The following GRID2 variants were observed in gnomAD, a reference collection of about 807,000 sequenced individuals.
GRID2 encodes glutamate receptor ionotropic, delta-2.
A neutral mutation model predicts 114.8 loss-of-function variants in GRID2; 33 were observed. The observed-to-expected ratio is 0.29, with a 90% confidence interval of 0.22 to 0.38. The LOEUF is 0.38. Among genes scored for constraint, GRID2 ranks in the 10% least tolerant of loss-of-function variants. GRID2 has a pLI of 1.00. For synonymous variants in GRID2, 505 were observed against 449.9 expected, an observed-to-expected ratio of 1.12 and a Z score of -1.55; for missense variants, 1,184 against 1,257.7, an observed-to-expected ratio of 0.94 and a Z score of 0.89.
intron 2 of GRID2, among the ~76,000 whole-genome samples, chr4:92,958,511 G>A (rs1752580220): frequency 1.3e-5 from 2 of 152,062 alleles, no homozygotes; most frequent in Admixed American, 1.3e-4. Context: ...GTATATCCGG[G>A]ATAAATCCCA....
chr4:93,186,523 A>T (rs1740437450), intron 4 of GRID2, among the ~76,000 whole-genome samples: 1 of 152,202 alleles, frequency 6.6e-6, no homozygotes, highest in South Asian at 2.1e-4. Context: ...TATAAAACTA[A>T]TAATGTAATA....
chr4:93,759,358 T>A (rs2110305542), intron 14 of GRID2, among the ~76,000 whole-genome samples: 1 of 152,312 alleles, frequency 6.6e-6, no homozygotes, highest in East Asian at 1.9e-4. Context: ...GTTCATTTTC[T>A]ACCAAATAAC....
intron 2 of GRID2, among the ~76,000 whole-genome samples, chr4:92,937,301 C>T (rs1010862249): frequency 6.8e-6 from 1 of 146,584 alleles, no homozygotes; most frequent in African/African-American, 2.4e-5. Flanking sequence ...ATTCTTTCTT[C>T]TAAGAATTTT....
At chr4:92,806,439 T>C (rs112659802) in intron 2 of GRID2, among the ~76,000 whole-genome samples, 3 of 152,048 alleles carry the variant, frequency 2.0e-5, no homozygotes, top group African/African-American at 7.2e-5. Context: ...CTTCCTCCAT[T>C]ATACCTTCTG....
chr4:92,864,167 G>A (rs1386032049), intron 2 of GRID2, among the ~76,000 whole-genome samples: 1 of 152,048 alleles, frequency 6.6e-6, no homozygotes, highest in Non-Finnish European at 1.5e-5. Context: ...ATAAACCTGG[G>A]TTCACTCTGA....
chr4:93,055,094 G>A (rs1727098481), intron 2 of GRID2, among the ~76,000 whole-genome samples: 1 of 151,808 alleles, frequency 6.6e-6, no homozygotes, highest in Admixed American at 6.6e-5. Context: ...ATATGTTAAT[G>A]AGTTTTAATA....
intron 15 of GRID2, among the ~76,000 whole-genome samples, chr4:93,771,432 A>G (rs1332191828): frequency 2.0e-5 from 3 of 152,124 alleles, no homozygotes; most frequent in Non-Finnish European, 4.4e-5. Flanking sequence ...TATCTCACTG[A>G]CCTCACAGTA....
intron 2 of GRID2, among the ~76,000 whole-genome samples, chr4:92,801,806 A>C (rs951156490): frequency 1.3e-5 from 2 of 152,008 alleles, no homozygotes; most frequent in East Asian, 3.9e-4. Context: ...AATACTCATA[A>C]CAAACCCAAA....
intron 1 of GRID2, among the ~76,000 whole-genome samples, chr4:92,368,385 TAATA>T (rs2110213600): frequency 6.6e-6 from 1 of 152,216 alleles, no homozygotes; most frequent in South Asian, 2.1e-4. Context: ...CCTTTATTTT[TAATA>T]AATAAAAAGG....
At chr4:93,797,418 C>T (rs909558142) in intron 1 of GRID2, among the ~76,000 whole-genome samples, 2 of 152,088 alleles carry the variant, frequency 1.3e-5, no homozygotes, top group Non-Finnish European at 2.9e-5. Context: ...AGAGGTTCTG[C>T]AGAAAAATGT....
chr4:93,112,739 G>A (rs1168263231), intron 4 of GRID2, among the ~76,000 whole-genome samples: 3 of 152,144 alleles, frequency 2.0e-5, no homozygotes, highest in Middle Eastern at 3.2e-3. Context: ...AAATCAAGAT[G>A]TTGGCAAGGT....
At chr4:92,498,451 C>G (rs112753027) in intron 1 of GRID2, among the ~76,000 whole-genome samples, 11 of 151,718 alleles carry the variant, frequency 7.3e-5, no homozygotes, top group Non-Finnish European at 1.5e-5. Flanking sequence ...ATTTAAATAA[C>G]AAAGCTAAAA....
intron 13 of GRID2, among the ~76,000 whole-genome samples, chr4:93,516,261 A>G (rs955420007): frequency 6.6e-6 from 1 of 152,130 alleles, no homozygotes. Flanking sequence ...TCTAAAGGCA[A>G]ACTCACTAAT....
intron 8 of GRID2, among the ~76,000 whole-genome samples, chr4:93,283,912 C>T (rs1009504227): frequency 6.6e-6 from 1 of 151,994 alleles, no homozygotes; most frequent in African/African-American, 2.4e-5. Flanking sequence ...ACTGGAGGAC[C>T]TAGCTCAATC....
chr4:92,769,715 A>G (rs1218443019), intron 2 of GRID2, among the ~76,000 whole-genome samples: 1 of 152,214 alleles, frequency 6.6e-6, no homozygotes, highest in Non-Finnish European at 1.5e-5. Flanking sequence ...CTCTAAAGCC[A>G]CAGCCCAAGG....
intron 13 of GRID2, among the ~76,000 whole-genome samples, chr4:93,600,093 C>T (rs1739514516): frequency 6.6e-6 from 1 of 152,086 alleles, no homozygotes; most frequent in South Asian, 2.1e-4. Flanking sequence ...TCAAGCCCTG[C>T]CAAATTAAAA....
At chr4:93,289,987 G>C (rs1753567482) in intron 8 of GRID2, among the ~76,000 whole-genome samples, 1 of 152,142 alleles carries the variant, frequency 6.6e-6, no homozygotes, top group Admixed American at 6.5e-5. Context: ...ATAGAGTTCA[G>C]ACAGTTACAT....
chr4:92,735,400 A>G (rs1170022567), intron 2 of GRID2, among the ~76,000 whole-genome samples: 1 of 152,132 alleles, frequency 6.6e-6, no homozygotes, highest in Non-Finnish European at 1.5e-5. Context: ...AATATACTGT[A>G]ATAAAAGGTA....
chr4:93,231,872 A>G (rs1409341835), intron 7 of GRID2, among the ~76,000 whole-genome samples: 1 of 152,100 alleles, frequency 6.6e-6, no homozygotes, highest in East Asian at 1.9e-4. Context: ...GCAAATCTCC[A>G]TCTCATACCT....
Sources: allele counts gnomAD v4.1 joint callset (sites outside exome capture counted in the v4.1 genomes callset), GRCh38; gene constraint gnomAD v4.1.1; transcripts MANE v1.5; gene names NCBI Gene and HGNC (gene_info 2026-07-23, HGNC 2026-07-21).